Variants in DUSP26 observed in about 807,000 individuals in gnomAD.
DUSP26 encodes the protein dual specificity phosphatase 26.
Under a neutral mutation model 20.0 loss-of-function variants are expected in DUSP26, and 12 were observed. The ratio of observed to expected loss-of-function variants is 0.60; its 90% CI spans 0.38 to 0.97. The LOEUF (loss-of-function observed/expected upper bound fraction) is 0.97. Among genes scored for constraint, DUSP26 ranks in the 50% least tolerant of loss-of-function variants. DUSP26 has a pLI of 0.00. For missense variants in DUSP26, 230 were observed against 294.0 expected (o/e 0.78, Z 1.59); for synonymous variants, 120 against 118.8 (o/e 1.01, Z -0.06).
At chr8:33,598,107 A>C (rs553661270) in intron 1 of DUSP26, among the ~76,000 whole-genome samples, 1 of 152,148 alleles carries the variant, frequency 6.6e-6, no homozygotes, top group African/African-American at 2.4e-5. Context: ...TCTCTGTGCC[A>C]GAGTTAGACT....
chr8:33,593,203 C>A (rs531040835), intron 3 of DUSP26, among the ~76,000 whole-genome samples: 1 of 151,972 alleles, frequency 6.6e-6, no homozygotes, highest in African/African-American at 2.4e-5. Flanking sequence ...ACCTGGGAGG[C>A]GGAGGTTACA....
At chr8:33,593,295 G>A (rs905029796) in intron 3 of DUSP26, among the ~76,000 whole-genome samples, 6 of 151,904 alleles carry the variant, frequency 3.9e-5, no homozygotes, top group African/African-American at 1.5e-4. Context: ...AGAAAAAGTC[G>A]ATCACATATA....
At chr8:33,592,538 CAAAAAAAAAAAA>C (rs745687703) in intron 3 of DUSP26, among the ~76,000 whole-genome samples, 3 of 23,764 alleles carry the variant, frequency 1.3e-4, no homozygotes, top group African/African-American at 3.4e-4. Context: ...AACCCCATCT[CAAAAAAAAAAAA>C]AAAAAAAAAA....
intron 1 of DUSP26, among the ~76,000 whole-genome samples, chr8:33,599,042 A>T (rs1811212382): frequency 6.6e-6 from 1 of 152,112 alleles, no homozygotes; most frequent in Admixed American, 6.6e-5. Flanking sequence ...GGAAGATTGG[A>T]TGTTAGGGAG....
rs954639380 is a variant in DUSP26, at chr8:33,591,743, G to A, written c.*270C>T. On this transcript the variant is annotated 3_prime_UTR_variant, in exon 4 of 4. Coordinates refer to ENST00000256261, the MANE Select transcript of DUSP26 (RefSeq NM_024025.3). Reference sequence around the variant, plus strand: ...GGGAGCACCCTGGCCAGATCCCAGCGGTGTTCGAATCCCAGGACCATCTTC... The same window carrying A: ...GGGAGCACCCTGGCCAGATCCCAGCAGTGTTCGAATCCCAGGACCATCTTC... 62 of 480,308 alleles carry A rather than the reference G, an allele frequency of 1.3e-4. 1 individual carries two copies. The highest frequency in any genetic ancestry group is 1.0e-3 in the South Asian group (45 of 43,416). The allele number at this position is 480,308 out of a possible 1,614,324, so 29.8% of individuals were successfully genotyped here. A position where few individuals can be genotyped will look rare whatever the true frequency, so the allele number is the denominator to read the frequency against.
In DUSP26 at chr8:33,598,302, C is replaced by T. The variant is rs575401207; in HGVS notation, c.-76-711G>A. Among the ~76,000 whole-genome samples the T allele has an allele frequency of 7.9e-5, 12 of 152,214 alleles. No homozygotes were observed. In the South Asian group the frequency reaches 2.5e-3, roughly 32 times the overall value. On this transcript the variant is annotated intron_variant, in intron 1 of 3. Transcript: ENST00000256261. Reference sequence around the variant, plus strand: ...CCAATCTATGTGCACAACAGGCAAACCACCCTCCTTGGATCAGCATTAGGA... The same window carrying T: ...CCAATCTATGTGCACAACAGGCAAATCACCCTCCTTGGATCAGCATTAGGA...
At chr8:33,596,561 G>A (rs1811151379) in intron 2 of DUSP26, among the ~76,000 whole-genome samples, 1 of 152,140 alleles carries the variant, frequency 6.6e-6, no homozygotes, top group Non-Finnish European at 1.5e-5. Context: ...CAGCCTGGGT[G>A]ACAGAGTGAT....
intron 2 of DUSP26, 118 bp from the exon 3 acceptor site, chr8:33,593,865 C>T (rs957563762): frequency 1.0e-4 from 122 of 1,198,240 alleles, no homozygotes; most frequent in Non-Finnish European, 1.1e-4. Context: ...GAGATGGAGT[C>T]TCGCTCTGTT....
At chr8:33,598,365 C>T (rs1275632139) in intron 1 of DUSP26, among the ~76,000 whole-genome samples, 1 of 151,136 alleles carries the variant, frequency 6.6e-6, no homozygotes, top group African/African-American at 2.4e-5. Flanking sequence ...GTGAGAATTT[C>T]TGAATCTAAG....
intron 2 of DUSP26, among the ~76,000 whole-genome samples, chr8:33,596,537 G>A (rs1033759733): frequency 3.3e-5 from 5 of 152,164 alleles, no homozygotes; most frequent in East Asian, 3.9e-4. Context: ...AACCAAGATC[G>A]CGCCACTGCA....
chr8:33,599,945 CA>C lies in DUSP26; in HGVS notation c.-358del, dbSNP rs1811234086. The C allele has an allele frequency of 6.6e-6, 1 of 152,230 alleles. No individual in the cohort carries two copies. The highest frequency in any genetic ancestry group is 6.5e-5 in the Admixed American group (1 of 15,282). 9.4% of individuals were successfully genotyped at this position (152,230 alleles called of 1,614,324 possible). ...ACCCCCCACGAGCCCGCGCGCCTTG[CA>C]GACCAGACACGGCCCCGCCGAGCCC... On this transcript the variant is annotated 5_prime_UTR_variant, in exon 1 of 4. The change creates a premature stop within an existing upstream ORF in the 5' untranslated region. Transcript: ENST00000256261.
At chr8:33,597,903 A>ACACACACACACACACACACC in intron 1 of DUSP26, 1 of 190,404 alleles carries the variant, frequency 5.3e-6, no homozygotes, top group Non-Finnish European at 1.1e-5. Flanking sequence ...ACACACACAC[A>ACACACACACACACACACACC]CACACACGGC....
chr8:33,593,201 G>A (rs184177148), intron 3 of DUSP26, among the ~76,000 whole-genome samples: 1,763 of 152,226 alleles, frequency 0.012, 30 homozygotes, highest in African/African-American at 0.041. Context: ...GAACCTGGGA[G>A]GCGGAGGTTA....
chr8:33,595,362 TTGTTG>T (rs1452539671), intron 2 of DUSP26, among the ~76,000 whole-genome samples: 5 of 147,108 alleles, frequency 3.4e-5, no homozygotes, highest in African/African-American at 1.3e-4. Context: ...TTTTTTTTTG[TTGTTG>T]TTGTTGTTGT....
chr8:33,593,723 C>G lies in DUSP26; in HGVS notation c.246G>C (p.Glu82Asp), dbSNP rs1208211473. ...GDQDMANNRR[E>D]LRRLGITHVL... ...CGTGCGTGATGCCCAGGCGGCGAAG[C>G]TCCCGGCGGTTGTTAGCCATGTCCC... Residue 82 changes from glutamate to aspartate, a missense_variant, in exon 3 of 4, where the codon GAG (glutamate) becomes GAC (aspartate). Physicochemically the swap from Glu to Asp is conservative, Grantham distance 45. Coordinates refer to ENST00000256261, the MANE Select transcript of DUSP26 (RefSeq NM_024025.3). The G allele has an allele frequency of 6.2e-7, 1 of 1,614,214 alleles. No individual in the cohort carries two copies.
chr8:33,595,034 T>C (rs949692433), intron 2 of DUSP26, among the ~76,000 whole-genome samples: 2 of 152,114 alleles, frequency 1.3e-5, no homozygotes, highest in African/African-American at 4.8e-5. Context: ...CTGATTTCAA[T>C]TTCATACAAG....
At chr8:33,594,720 A>AT (rs111883315) in intron 2 of DUSP26, among the ~76,000 whole-genome samples, 10,010 of 142,372 alleles carry the variant, frequency 0.07, 965 homozygotes, top group African/African-American at 0.22. Context: ...AGCAGATTTC[A>AT]TTTTTTTTTT....
intron 1 of DUSP26, among the ~76,000 whole-genome samples, chr8:33,598,445 A>G (rs1445896089): frequency 5.7e-5 from 7 of 122,480 alleles, no homozygotes; most frequent in African/African-American, 2.2e-4. Flanking sequence ...GGGGGAATTG[A>G]CGCAGGGTTG....
chr8:33,597,031 A>G (rs573582781), intron 2 of DUSP26, among the ~76,000 whole-genome samples: 1 of 152,104 alleles, frequency 6.6e-6, no homozygotes, highest in South Asian at 2.1e-4. Flanking sequence ...GAACTCCTGT[A>G]CTCTAGATAC....
Sources: allele counts gnomAD v4.1 joint callset (sites outside exome capture counted in the v4.1 genomes callset), GRCh38; gene constraint gnomAD v4.1.1; transcripts MANE v1.5; gene names NCBI Gene and HGNC (gene_info 2026-07-23, HGNC 2026-07-21).